GALNT13: variants seen among roughly 807,000 people sequenced by gnomAD.
GALNT13 encodes polypeptide N-acetylgalactosaminyltransferase 13, also known as UDP-GalNAc:polypeptide N-acetylgalactosaminyltransferase 13.
Under a neutral mutation model 64.2 loss-of-function variants are expected in GALNT13, and 28 were observed. The ratio of observed to expected loss-of-function variants is 0.44; its 90% CI spans 0.32 to 0.60. The LOEUF (loss-of-function observed/expected upper bound fraction) is 0.60. GALNT13 is among the 20% of genes least tolerant of loss of function. The pLI is 0.05. For missense variants in GALNT13, 577 were observed against 669.8 expected, an observed-to-expected ratio of 0.86 and a Z score of 1.53; for synonymous variants, 214 against 224.6, an observed-to-expected ratio of 0.95 and a Z score of 0.42.
chr2:153,648,472 G>T, the GALNT13 span, among the ~76,000 whole-genome samples: 1 of 152,050 alleles, frequency 6.6e-6, no homozygotes, highest in Non-Finnish European at 1.5e-5. Flanking sequence ...TCTCCTGCCT[G>T]ATTGCCCTGG....
Position 154,421,920 on chromosome 2 carries a change from C to T in GALNT13, c.1395+12838C>T, listed in dbSNP as rs538422445. 1.7e-3 allele frequency among the ~76,000 whole-genome samples: 261 copies of T among 152,096 alleles called. 1 individual carries two copies. The highest frequency in any genetic ancestry group is 2.5e-3 in the Non-Finnish European group (169 of 67,984). On this transcript the variant is annotated intron_variant, in intron 11 of 12. Transcript: ENST00000392825. ...TACAAAAGAATCATTAACAATACAG[C>T]AAGCATTCATAATGCTCTACAGGAG... is the stretch of plus-strand genomic sequence containing the variant.
At chr2:153,429,675 A>C in the GALNT13 span, among the ~76,000 whole-genome samples, 1,401 of 152,160 alleles carry the variant, frequency 9.2e-3, 17 homozygotes, top group African/African-American at 0.031. Context: ...AAAATAATTA[A>C]TTTTCAAAAT....
the GALNT13 span, among the ~76,000 whole-genome samples, chr2:153,163,776 T>G: frequency 6.6e-5 from 10 of 152,152 alleles, no homozygotes; most frequent in East Asian, 1.2e-3. Context: ...TCCCAGCACT[T>G]TGGGAGGCCA....
chr2:153,275,188 G>C, the GALNT13 span, among the ~76,000 whole-genome samples: 4 of 152,028 alleles, frequency 2.6e-5, no homozygotes. Flanking sequence ...TTGTAATATA[G>C]AAACACACAT....
At chr2:153,929,471 G>A (rs1690361616) in intron 2 of GALNT13, among the ~76,000 whole-genome samples, 1 of 152,120 alleles carries the variant, frequency 6.6e-6, no homozygotes, top group African/African-American at 2.4e-5. Flanking sequence ...GTACACAAAA[G>A]GTAGTTTTTC....
At chr2:153,537,593 C>T in the GALNT13 span, among the ~76,000 whole-genome samples, 1 of 152,132 alleles carries the variant, frequency 6.6e-6, no homozygotes, top group Admixed American at 6.5e-5. Context: ...GCTGTGTCTC[C>T]ACCCAAATCT....
chr2:153,950,495 T>C (rs1692096063), intron 3 of GALNT13, among the ~76,000 whole-genome samples: 1 of 152,104 alleles, frequency 6.6e-6, no homozygotes, highest in Non-Finnish European at 1.5e-5. Context: ...CTCTACATTT[T>C]TATAATAACT....
At chr2:154,071,242 A>T (rs1700726110) in intron 3 of GALNT13, among the ~76,000 whole-genome samples, 2 of 152,268 alleles carry the variant, frequency 1.3e-5, no homozygotes, top group Admixed American at 6.5e-5. Flanking sequence ...CAATCCTGAA[A>T]ACTAGCATAA....
the GALNT13 span, among the ~76,000 whole-genome samples, chr2:153,201,878 G>A: frequency 4.9e-4 from 74 of 151,666 alleles, 2 homozygotes; most frequent in Middle Eastern, 0.01. Flanking sequence ...AACAGCTGAA[G>A]CTCCAGATCT....
At chr2:154,390,736 A>C (rs575275016) in intron 9 of GALNT13, among the ~76,000 whole-genome samples, 1 of 152,296 alleles carries the variant, frequency 6.6e-6, no homozygotes, top group Non-Finnish European at 1.5e-5. Context: ...ACCTGGAATT[A>C]ATTAAAATAC....
At chr2:153,768,315 T>G in the GALNT13 span, among the ~76,000 whole-genome samples, 3 of 152,220 alleles carry the variant, frequency 2.0e-5, no homozygotes, top group African/African-American at 7.2e-5. Flanking sequence ...ACATTTGCTC[T>G]ATAGTCCAGT....
chr2:153,234,488 T>C, the GALNT13 span, among the ~76,000 whole-genome samples: 1 of 152,084 alleles, frequency 6.6e-6, no homozygotes, highest in African/African-American at 2.4e-5. Flanking sequence ...GTCACTGGAG[T>C]AGCCTGGCTA....
chr2:153,322,596 G>A, the GALNT13 span, among the ~76,000 whole-genome samples: 1 of 152,056 alleles, frequency 6.6e-6, no homozygotes, highest in Non-Finnish European at 1.5e-5. Context: ...GTGGTTTGCT[G>A]CATCCATCAA....
intron 7 of GALNT13, among the ~76,000 whole-genome samples, chr2:154,249,214 A>G (rs115623405): frequency 5.4e-4 from 82 of 152,328 alleles, no homozygotes; most frequent in African/African-American, 1.9e-3. Flanking sequence ...ACAAAAACAA[A>G]CATACAAACT....
intron 3 of GALNT13, among the ~76,000 whole-genome samples, chr2:153,988,073 T>TACAC (rs70981691): frequency 1.8e-4 from 27 of 146,144 alleles, no homozygotes; most frequent in South Asian, 6.6e-4. Context: ...TATATATATA[T>TACAC]ACACACACAC....
chr2:153,258,345 G>A, the GALNT13 span, among the ~76,000 whole-genome samples: 2 of 143,774 alleles, frequency 1.4e-5, no homozygotes, highest in South Asian at 2.2e-4. Flanking sequence ...ACTGATTTGA[G>A]TAATAGTAAA....
At chr2:153,911,756 A>G (rs1473144510) in intron 2 of GALNT13, among the ~76,000 whole-genome samples, 1 of 152,088 alleles carries the variant, frequency 6.6e-6, no homozygotes, top group Admixed American at 6.6e-5. Context: ...TCTTGCTTGT[A>G]GTGCTGTTTC....
At chr2:153,520,090 A>G in the GALNT13 span, among the ~76,000 whole-genome samples, 1 of 152,242 alleles carries the variant, frequency 6.6e-6, no homozygotes, top group African/African-American at 2.4e-5. Flanking sequence ...TGATGTTAAT[A>G]TGAGCCAGAC....
chr2:154,155,770 C>A (rs1346448849), intron 4 of GALNT13, among the ~76,000 whole-genome samples: 1 of 151,740 alleles, frequency 6.6e-6, no homozygotes, highest in Non-Finnish European at 1.5e-5. Context: ...TATATTTGGA[C>A]TTTGAATTTT....
Sources: allele counts gnomAD v4.1 joint callset (sites outside exome capture counted in the v4.1 genomes callset), GRCh38; gene constraint gnomAD v4.1.1; transcripts MANE v1.5; gene names NCBI Gene and HGNC (gene_info 2026-07-23, HGNC 2026-07-21).